Variants in OSBPL9 observed in about 807,000 individuals in gnomAD.
OSBPL9 encodes oxysterol binding protein like 9.
In OSBPL9, 40 loss-of-function variants were observed where a neutral mutation model predicts 106.6. The ratio of observed to expected loss-of-function variants is 0.38; its 90% CI spans 0.29 to 0.49. The LOEUF is 0.49. Ranked by LOEUF, OSBPL9 falls within the 20% of genes least tolerant of loss-of-function variation. OSBPL9 has a pLI of 0.97. For synonymous variants in OSBPL9, 269 were observed against 295.4 expected, an observed-to-expected ratio of 0.91 and a Z score of 0.92; for missense variants, 609 against 887.2, an observed-to-expected ratio of 0.69 and a Z score of 3.98.
At chr1:51,695,828 C>G (rs1323445694) in intron 3 of OSBPL9, among the ~76,000 whole-genome samples, 1 of 152,162 alleles carries the variant, frequency 6.6e-6, no homozygotes, top group Non-Finnish European at 1.5e-5. Flanking sequence ...TAGAACCGTG[C>G]TGACACAAAT....
the OSBPL9 span, among the ~76,000 whole-genome samples, chr1:51,530,347 T>C: frequency 6.6e-6 from 1 of 151,840 alleles, no homozygotes; most frequent in African/African-American, 2.4e-5. Flanking sequence ...AAGGACACCA[T>C]CCAGAAAGTG....
At chr1:51,590,651 A>G (rs1228239417) in intron 1 of OSBPL9, among the ~76,000 whole-genome samples, 1 of 151,846 alleles carries the variant, frequency 6.6e-6, no homozygotes, top group South Asian at 2.1e-4. Flanking sequence ...AAAAGAAAAA[A>G]AAAGTCACGT....
intron 1 of OSBPL9, among the ~76,000 whole-genome samples, chr1:51,596,400 A>G (rs1557579449): frequency 6.6e-6 from 1 of 151,980 alleles, no homozygotes; most frequent in Admixed American, 6.6e-5. Flanking sequence ...TCTCTACTAA[A>G]AATACAAAAT....
At position 51,756,208 on chromosome 1, in the gene OSBPL9, C is replaced by T. The variant is rs1233171885; in HGVS notation, c.544-112C>T. ...AAAATCTTAGTGGAGGCAGATAAAT[C>T]ATGTTCTAACATTATTACTTACCTA... On this transcript the variant is annotated intron_variant, in intron 8 of 23. Coordinates refer to ENST00000428468, the MANE Select transcript of OSBPL9 (RefSeq NM_024586.6). 2.2e-5 allele frequency: 18 copies of T among 836,942 alleles called. No homozygotes were observed. In the East Asian group the frequency reaches 4.3e-4, roughly 20 times the overall value. The allele number at this position is 836,942 out of a possible 1,614,324, so 51.8% of individuals were successfully genotyped here.
intron 5 of OSBPL9, 145 bp downstream of exon 5, chr1:51,745,776 C>T: frequency 9.8e-7 from 1 of 1,021,276 alleles, no homozygotes; most frequent in Non-Finnish European, 1.3e-6. Context: ...AAAGATCTAG[C>T]TGACTTATTC....
At chr1:51,630,399 C>A (rs1318442236) in intron 1 of OSBPL9, among the ~76,000 whole-genome samples, 1 of 151,932 alleles carries the variant, frequency 6.6e-6, no homozygotes, top group African/African-American at 2.4e-5. Flanking sequence ...CTGGGTTAGT[C>A]GTTTTCTGCA....
At chr1:51,670,377 G>C (rs1245934116) in intron 3 of OSBPL9, among the ~76,000 whole-genome samples, 1 of 152,188 alleles carries the variant, frequency 6.6e-6, no homozygotes, top group Non-Finnish European at 1.5e-5. Flanking sequence ...ACAGTGCACT[G>C]TTAGAGATGC....
intron 4 of OSBPL9, among the ~76,000 whole-genome samples, chr1:51,730,802 G>A (rs1385705497): frequency 1.3e-5 from 2 of 152,128 alleles, no homozygotes; most frequent in South Asian, 2.1e-4. Context: ...ACTTTTAGCT[G>A]TATTAAGGAA....
the OSBPL9 span, among the ~76,000 whole-genome samples, chr1:51,518,851 C>G: frequency 6.6e-6 from 1 of 151,956 alleles, no homozygotes; most frequent in South Asian, 2.1e-4. Flanking sequence ...TGGGAGGAAA[C>G]TTCCTGGGTA....
At chr1:51,654,065 A>G (rs1418365879) in intron 2 of OSBPL9, among the ~76,000 whole-genome samples, 2 of 151,778 alleles carry the variant, frequency 1.3e-5, no homozygotes, top group Non-Finnish European at 2.9e-5. Flanking sequence ...AGAATTTTCC[A>G]TAGTATAGAT....
the OSBPL9 span, among the ~76,000 whole-genome samples, chr1:51,524,892 T>C: frequency 6.6e-6 from 1 of 152,212 alleles, no homozygotes; most frequent in Non-Finnish European, 1.5e-5. Flanking sequence ...GGTTCTTTCA[T>C]CTGCAGGTTT....
chr1:51,521,641 G>A, the OSBPL9 span, among the ~76,000 whole-genome samples: 3,338 of 152,306 alleles, frequency 0.022, 32 homozygotes, highest in Middle Eastern at 0.034. Context: ...AGGAGACTGA[G>A]GCAGTTGCAC....
intron 1 of OSBPL9, among the ~76,000 whole-genome samples, chr1:51,628,391 A>G (rs1644897154): frequency 6.6e-6 from 1 of 152,060 alleles, no homozygotes; most frequent in African/African-American, 2.4e-5. Context: ...TCTTTATTTA[A>G]TAAGATCTCA....
upstream of OSBPL9, among the ~76,000 whole-genome samples, chr1:51,613,650 C>G (rs1329451141): frequency 6.6e-6 from 1 of 151,882 alleles, no homozygotes; most frequent in Non-Finnish European, 1.5e-5. Flanking sequence ...GGCTTTGTAC[C>G]ACACTCAGTT....
At chr1:51,526,129 G>T in the OSBPL9 span, among the ~76,000 whole-genome samples, 1 of 152,144 alleles carries the variant, frequency 6.6e-6, no homozygotes, top group African/African-American at 2.4e-5. Flanking sequence ...CACCTGCCTT[G>T]GCCTCCCAAA....
the OSBPL9 span, among the ~76,000 whole-genome samples, chr1:51,552,398 A>C: frequency 6.6e-6 from 1 of 152,222 alleles, no homozygotes; most frequent in East Asian, 1.9e-4. Context: ...GGCTATCATT[A>C]TTCTCCACTT....
chr1:51,712,393 A>G (rs1390609906), intron 3 of OSBPL9, among the ~76,000 whole-genome samples: 1 of 151,864 alleles, frequency 6.6e-6, no homozygotes, highest in Non-Finnish European at 1.5e-5. Context: ...GAGACCGTGG[A>G]AAGAGAGGGA....
the OSBPL9 span, among the ~76,000 whole-genome samples, chr1:51,540,787 C>T: frequency 1.2e-3 from 189 of 151,804 alleles, 1 homozygote; most frequent in African/African-American, 4.2e-3. Flanking sequence ...GGTGAAACCC[C>T]GTCTCTACTA....
rs185738932 is a variant in OSBPL9 at position 51,786,601 on chromosome 1, G to A, written c.1984G>A (p.Glu662Lys). 30 of 1,612,056 alleles carry A rather than the reference G, an allele frequency of 1.9e-5. No homozygotes were observed. Among genetic ancestry groups the A allele is most frequent in the East Asian group, 8.9e-5 (4 of 44,822 alleles). Residue 662 changes from glutamate (E) to lysine (K), a missense_variant, in exon 22 of 24, where the codon GAG (glutamate) becomes AAG (lysine). Around this residue, in one of 5 missense-constraint regions of OSBPL9, gnomAD observed 132 missense variants for 158.1 expected, o/e 0.83. Transcript: ENST00000428468. ...KKVRKLEDQN[E>K]YESRSLWKDV... ...AGTGAGGAAGTTGGAAGATCAGAAC[G>A]AGTATGAATCCCGCAGGTAAGCCGA...
Sources: allele counts gnomAD v4.1 joint callset (sites outside exome capture counted in the v4.1 genomes callset), GRCh38; gene constraint gnomAD v4.1.1; regional missense constraint gnomAD v4.1.1; transcripts MANE v1.5; gene names NCBI Gene and HGNC (gene_info 2026-07-23, HGNC 2026-07-21).